The following NCAM1 variants were observed in gnomAD, a reference collection of about 807,000 sequenced individuals.
NCAM1 encodes the protein antigen recognized by monoclonal antibody 5.1H11.
Under a neutral mutation model 109.8 loss-of-function variants are expected in NCAM1, and 14 were observed. The ratio of observed to expected loss-of-function variants is 0.13; its 90% confidence interval spans 0.08 to 0.20. The LOEUF (loss-of-function observed/expected upper bound fraction) is 0.20, where lower values mean the gene tolerates loss of function less well. Among genes scored for constraint, NCAM1 ranks in the 10% least tolerant of loss-of-function variants. The pLI is 1.00. For missense variants in NCAM1, 774 were observed against 1,109.9 expected (o/e 0.70, Z 4.30); for synonymous variants, 418 against 442.9 (o/e 0.94, Z 0.70).
chr11:113,071,183 T>A (rs1287263201), intron 1 of NCAM1, among the ~76,000 whole-genome samples: 1 of 151,970 alleles, frequency 6.6e-6, no homozygotes, highest in Non-Finnish European at 1.5e-5. Context: ...CTGGAATAGA[T>A]GAATGAAAAA....
At chr11:113,023,381 C>CCGTGA (rs1177267043) in intron 1 of NCAM1, among the ~76,000 whole-genome samples, 4 of 152,176 alleles carry the variant, frequency 2.6e-5, no homozygotes, top group African/African-American at 9.7e-5. Context: ...AATGCCAGCT[C>CCGTGA]CGTGACTTTT....
chr11:113,022,249 C>T (rs2135250794), intron 1 of NCAM1, among the ~76,000 whole-genome samples: 1 of 152,310 alleles, frequency 6.6e-6, no homozygotes, highest in South Asian at 2.1e-4. Context: ...GAGAGCCATA[C>T]TTTTGTAGTT....
intron 1 of NCAM1, among the ~76,000 whole-genome samples, chr11:113,195,455 CCA>C (rs10642528): frequency 7.1e-4 from 101 of 141,464 alleles, no homozygotes; most frequent in African/African-American, 1.0e-3. Flanking sequence ...TAAATACACA[CCA>C]CACACACACA....
intron 1 of NCAM1, among the ~76,000 whole-genome samples, chr11:113,003,572 G>A (rs1951811185): frequency 6.6e-6 from 1 of 152,132 alleles, no homozygotes; most frequent in African/African-American, 2.4e-5. Context: ...TTTATCTTAT[G>A]ATTATGGGAT....
At position 113,110,081 on chromosome 11, in the gene NCAM1, T is replaced by C. The variant is rs532428316; in HGVS notation, c.53-92298T>C. Among the ~76,000 whole-genome samples the C allele has an allele frequency of 5.9e-5, 9 of 152,366 alleles. No individual in the cohort carries two copies. The South Asian group carries it at 1.9e-3, about 32-fold the overall frequency. ...TGCATGGAGCTAATAGTCGTGTTTT[T>C]AATATATGTATATATTTGGCCAAAG... On this transcript the variant is annotated intron_variant, in intron 1 of 19. Transcript: ENST00000316851.
intron 1 of NCAM1, among the ~76,000 whole-genome samples, chr11:113,166,313 A>T (rs1942795428): frequency 6.6e-6 from 1 of 152,188 alleles, no homozygotes; most frequent in African/African-American, 2.4e-5. Context: ...GATCTGTGAA[A>T]GGGATTTGCA....
At chr11:113,068,845 C>T (rs1938113532) in intron 1 of NCAM1, among the ~76,000 whole-genome samples, 1 of 151,958 alleles carries the variant, frequency 6.6e-6, no homozygotes, top group Non-Finnish European at 1.5e-5. Context: ...TATCTAGTAC[C>T]CCTTAAATGA....
At chr11:113,253,646 G>T (rs1591462313) in intron 15 of NCAM1, among the ~76,000 whole-genome samples, 1 of 152,150 alleles carries the variant, frequency 6.6e-6, no homozygotes, top group Non-Finnish European at 1.5e-5. Context: ...TTAGGAACGT[G>T]CAGCCAGGGA....
At chr11:113,151,277 T>C (rs1334848976) in intron 1 of NCAM1, among the ~76,000 whole-genome samples, 2 of 152,172 alleles carry the variant, frequency 1.3e-5, no homozygotes, top group Admixed American at 1.3e-4. Flanking sequence ...GAAAATCTCT[T>C]GCAAAAGAGA....
intron 1 of NCAM1, among the ~76,000 whole-genome samples, chr11:112,970,225 A>G (rs1950841636): frequency 6.6e-6 from 1 of 152,190 alleles, no homozygotes; most frequent in South Asian, 2.1e-4. Context: ...AGGATAGTTA[A>G]CAATAGCAAC....
At position 113,260,304 on chromosome 11, in the gene NCAM1, C is replaced by G; in HGVS notation, c.2112C>G (p.Ala704=). The G allele has an allele frequency of 6.2e-7, 1 of 1,613,000 alleles. No homozygotes were observed. The highest frequency in any genetic ancestry group is 1.1e-5 in the South Asian group (1 of 90,816). The stretch of plus-strand genomic sequence containing the variant: ...CTCATTTTGTGTTCAGGACCTCGGC[C>G]CAGCCCACAGCCATCCCAGGTATGG... The part of the protein sequence containing the change: ...KAAHFVFRTS[A]QPTAIPANGS... The change falls in exon 17 of 20, where the codon GCC becomes GCG. Residue 704 remains alanine, a synonymous_variant. Transcript: ENST00000316851.
rs1481437192 is a variant in NCAM1 at position 113,207,607 on chromosome 11, C to A, written c.747-226C>A. Among the ~76,000 whole-genome samples the A allele has an allele frequency of 3.3e-5, 5 of 152,174 alleles. No individual in the cohort carries two copies. The East Asian group carries it at 7.7e-4, about 24-fold the overall frequency. On this transcript the variant is annotated intron_variant, in intron 6 of 19. Coordinates refer to ENST00000316851, the MANE Select transcript of NCAM1 (RefSeq NM_181351.5). ...GAGCCAGAGGGTGTGGTCTTGGGAG[C>A]CCACTTTGAAACATTTGTGGGTACA... is the stretch of plus-strand genomic sequence containing the variant.
chr11:113,032,684 G>A (rs181602898), intron 1 of NCAM1, among the ~76,000 whole-genome samples: 8 of 152,194 alleles, frequency 5.3e-5, no homozygotes, highest in South Asian at 4.2e-4. Context: ...TATTCCTTAC[G>A]CCATTTTTCT....
rs116152000 is a variant in NCAM1, at chr11:113,068,742, C to T, written c.52+107078C>T. Reference sequence around the variant, plus strand: ...AACCAGGCCCTGCTTGTGACTTTAGCAACCTTACCACTGGAATATGTGGGG... The same window carrying T: ...AACCAGGCCCTGCTTGTGACTTTAGTAACCTTACCACTGGAATATGTGGGG... On this transcript the variant is annotated intron_variant, in intron 1 of 19. Coordinates refer to ENST00000316851, the MANE Select transcript of NCAM1 (RefSeq NM_181351.5). Among the ~76,000 whole-genome samples the T allele has an allele frequency of 1.0e-3, 154 of 152,156 alleles. 1 individual carries two copies. The highest frequency in any genetic ancestry group is 3.4e-3 in the Middle Eastern group (1 of 294).
chr11:113,273,755 CCT>C lies in NCAM1; in HGVS notation c.2457-1507_2457-1506del, dbSNP rs1327001591. On this transcript the variant is annotated intron_variant, in intron 19 of 19. Transcript: ENST00000316851. This position sits in a 1 kb window ranked among gnomAD's most constrained non-coding sequence, Gnocchi z 6.0. Reference sequence around the variant, plus strand: ...CTGCGCCAGCAAAGACCGAGTACGGCCTCTCTTTGTCTGCTGTCATCGGGTTG... The same window carrying C: ...CTGCGCCAGCAAAGACCGAGTACGGCCTCTTTGTCTGCTGTCATCGGGTTG... The C allele has an allele frequency of 1.2e-5, 5 of 432,332 alleles. No individual in the cohort carries two copies. The highest frequency in any genetic ancestry group is 2.4e-5 in the Non-Finnish European group (5 of 212,272). The allele number at this position is 432,332 out of a possible 1,614,324, so 26.8% of individuals were successfully genotyped here. A position where few individuals can be genotyped will look rare whatever the true frequency, so the allele number is the denominator to read the frequency against.
At position 113,270,573 on chromosome 11, in the gene NCAM1, G is replaced by C. The variant is rs537557025; in HGVS notation, c.2339+178G>C. ...AGTTTCTCAAAGCATGGTCTTTGGG[G>C]GTTACCTGTTTGAAATGTAGACTCT... On this transcript the variant is annotated intron_variant, in intron 18 of 19. Coordinates refer to ENST00000316851, the MANE Select transcript of NCAM1 (RefSeq NM_181351.5). The C allele has an allele frequency of 6.4e-6, 4 of 624,582 alleles. No individual in the cohort carries two copies. In the South Asian group the frequency reaches 7.9e-5, roughly 12 times the overall value. 38.7% of individuals were successfully genotyped at this position (624,582 alleles called of 1,614,324 possible).
At chr11:113,105,694 T>C (rs781894069) in intron 1 of NCAM1, among the ~76,000 whole-genome samples, 4 of 152,236 alleles carry the variant, frequency 2.6e-5, no homozygotes, top group Admixed American at 6.5e-5. Context: ...ATTCCATTTA[T>C]ATGAGATGTC....
intron 6 of NCAM1, 35 bp from the exon 7 acceptor site, chr11:113,207,798 G>T: frequency 8.9e-6 from 14 of 1,578,094 alleles, no homozygotes; most frequent in Non-Finnish European, 1.2e-5. Context: ...TTCTGTGGTC[G>T]AAATCATGCT....
intron 1 of NCAM1, among the ~76,000 whole-genome samples, chr11:113,003,436 A>G (rs1337917935): frequency 2.6e-5 from 4 of 152,080 alleles, no homozygotes; most frequent in Admixed American, 2.6e-4. Flanking sequence ...TGGCAGAAAC[A>G]CTCAGCTTGG....
Sources: allele counts gnomAD v4.1 joint callset (sites outside exome capture counted in the v4.1 genomes callset), GRCh38; gene constraint gnomAD v4.1.1; non-coding constraint Gnocchi (gnomAD v3.1); transcripts MANE v1.5; gene names NCBI Gene and HGNC (gene_info 2026-07-23, HGNC 2026-07-21).